ELMO1: variants seen among roughly 807,000 people sequenced by gnomAD.
The protein encoded by ELMO1 is engulfment and cell motility 1.
In ELMO1, 26 loss-of-function variants were observed where a neutral mutation model predicts 98.9. The observed-to-expected ratio is 0.26, with a 90% confidence interval of 0.19 to 0.36. The LOEUF (loss-of-function observed/expected upper bound fraction) is 0.36. Ranked by LOEUF, ELMO1 falls within the 10% of genes least tolerant of loss-of-function variation. The pLI is 1.00. For synonymous variants in ELMO1, 346 were observed against 346.0 expected (o/e 1.00, Z 0.00); for missense variants, 627 against 935.2 (o/e 0.67, Z 4.30).
intron 16 of ELMO1, among the ~76,000 whole-genome samples, chr7:36,949,803 C>T (rs570494286): frequency 1.3e-5 from 2 of 152,230 alleles, no homozygotes; most frequent in Middle Eastern, 3.4e-3. Flanking sequence ...CCTCCTCCAC[C>T]ACCCCACCCA....
chr7:36,864,714 C>G (rs1432027423), intron 20 of ELMO1, among the ~76,000 whole-genome samples: 2 of 152,254 alleles, frequency 1.3e-5, no homozygotes, highest in South Asian at 4.1e-4. Flanking sequence ...CTGTGCCCCC[C>G]TCAGGGCCTA....
chr7:36,879,739 T>C lies in ELMO1; in HGVS notation c.1715-1622A>G, dbSNP rs559652297. 1.4e-4 allele frequency among the ~76,000 whole-genome samples: 22 copies of C among 152,062 alleles called. No homozygotes were observed. The South Asian group carries it at 4.6e-3, about 32-fold the overall frequency. ...GGAATCTGAACTCTAGTGGAAAAAA[T>C]TGAGTGGGAAAAGGGTCATTTAACA... On this transcript the variant is annotated intron_variant, in intron 18 of 21. Transcript: ENST00000310758.
chr7:37,280,743 A>G (rs1584912429), intron 4 of ELMO1, among the ~76,000 whole-genome samples: 1 of 152,112 alleles, frequency 6.6e-6, no homozygotes, highest in African/African-American at 2.4e-5. Flanking sequence ...ACACTTCTAC[A>G]CTTCCGGTGG....
intron 16 of ELMO1, among the ~76,000 whole-genome samples, chr7:36,969,674 C>CTTAA (rs1425109918): frequency 6.6e-6 from 1 of 151,980 alleles, no homozygotes; most frequent in Non-Finnish European, 1.5e-5. Flanking sequence ...AACACACTTG[C>CTTAA]TTAAGCCTCA....
rs1221059512 is a variant in ELMO1 at position 37,321,672 on chromosome 7, G to A, written c.79-5712C>T. Among the ~76,000 whole-genome samples the A allele has an allele frequency of 9.3e-4, 120 of 129,234 alleles. 1 individual carries two copies. The highest frequency in any genetic ancestry group is 5.7e-4 in the Non-Finnish European group (37 of 64,716). The allele number at this position is 129,234 out of a possible 152,430, so 84.8% of individuals were successfully genotyped here. A position where few individuals can be genotyped will look rare whatever the true frequency, so the allele number is the denominator to read the frequency against. On this transcript the variant is annotated intron_variant, in intron 2 of 21. Transcript: ENST00000310758. ...GCGGAGCTTGCAGTGAGCCGAGATC[G>A]CGCCACTGCACTCTAGCCTGGGCAA...
chr7:36,995,713 T>C (rs1164102921), intron 16 of ELMO1, among the ~76,000 whole-genome samples: 1 of 152,186 alleles, frequency 6.6e-6, no homozygotes, highest in East Asian at 1.9e-4. Context: ...CAATCCCCAC[T>C]GTTGAATAGT....
At chr7:37,393,478 A>G (rs1803168131) in intron 1 of ELMO1, among the ~76,000 whole-genome samples, 1 of 152,202 alleles carries the variant, frequency 6.6e-6, no homozygotes, top group Non-Finnish European at 1.5e-5. Flanking sequence ...TTTAAAAAAA[A>G]TCCAATTCAG....
At chr7:36,990,798 G>A (rs536853480) in intron 16 of ELMO1, among the ~76,000 whole-genome samples, 23 of 152,154 alleles carry the variant, frequency 1.5e-4, no homozygotes, top group African/African-American at 5.1e-4. Context: ...CGGTATACAT[G>A]TATTTTTGAA....
chr7:37,244,183 T>C (rs1214953974), intron 7 of ELMO1, among the ~76,000 whole-genome samples, 173 bp downstream of exon 7: 1 of 152,138 alleles, frequency 6.6e-6, no homozygotes, highest in Non-Finnish European at 1.5e-5. Context: ...GGAAAATACA[T>C]TTTTGAAGAA....
At chr7:37,137,599 G>A (rs563997176) in intron 13 of ELMO1, among the ~76,000 whole-genome samples, 2 of 151,802 alleles carry the variant, frequency 1.3e-5, no homozygotes, top group Non-Finnish European at 2.9e-5. Context: ...ATACAGTGGT[G>A]CAATCTCGCT....
chr7:37,408,356 GA>G (rs1444552768), intron 1 of ELMO1, among the ~76,000 whole-genome samples: 1 of 152,174 alleles, frequency 6.6e-6, no homozygotes, highest in East Asian at 1.9e-4. Flanking sequence ...AGATGACAAA[GA>G]ACTCAGATAA....
At chr7:37,369,792 C>T in intron 1 of ELMO1, among the ~76,000 whole-genome samples, 1 of 151,854 alleles carries the variant, frequency 6.6e-6, no homozygotes, top group Non-Finnish European at 1.5e-5. Flanking sequence ...ATAGAAACCA[C>T]ATATTGAGAG....
At chr7:36,905,077 A>T (rs1783858328) in intron 16 of ELMO1, among the ~76,000 whole-genome samples, 1 of 152,228 alleles carries the variant, frequency 6.6e-6, no homozygotes, top group African/African-American at 2.4e-5. Flanking sequence ...AGTTCCAAAC[A>T]TGTGACCTTG....
At chr7:37,316,050 A>G in intron 2 of ELMO1, 90 bp from the exon 3 acceptor site, 1 of 1,039,560 alleles carries the variant, frequency 9.6e-7, no homozygotes, top group East Asian at 2.4e-5. Context: ...AAGATTATCT[A>G]AGCAAAGAGA....
At chr7:37,437,744 T>A (rs1394838202) in intron 1 of ELMO1, among the ~76,000 whole-genome samples, 7 of 61,112 alleles carry the variant, frequency 1.1e-4, no homozygotes, top group South Asian at 1.1e-3. Context: ...CCGAGGCGGG[T>A]GGATCATGAG....
chr7:37,404,715 TACTAC>T (rs1297861774), intron 1 of ELMO1, among the ~76,000 whole-genome samples: 1 of 152,180 alleles, frequency 6.6e-6, no homozygotes, highest in African/African-American at 2.4e-5. Flanking sequence ...AAAAAGGAGA[TACTAC>T]ACCCCAGTAC....
At chr7:37,216,335 T>C (rs1247897006) in intron 11 of ELMO1, among the ~76,000 whole-genome samples, 1 of 152,088 alleles carries the variant, frequency 6.6e-6, no homozygotes, top group Non-Finnish European at 1.5e-5. Flanking sequence ...GTGAATCTTT[T>C]AAGCCCTGAT....
At position 37,240,343 on chromosome 7, in the gene ELMO1, T is replaced by A. The variant is rs1474831891; in HGVS notation, c.449+4013A>T. ...TTTATTAATGTAAAATTATTTGCAA[T>A]ATTCTTTTATTTTATTTCTAATGTC... On this transcript the variant is annotated intron_variant, in intron 7 of 21. Transcript: ENST00000310758. 3.9e-5 allele frequency among the ~76,000 whole-genome samples: 6 copies of A among 152,324 alleles called. No individual in the cohort carries two copies. In the East Asian group the frequency reaches 1.2e-3, roughly 29 times the overall value.
intron 19 of ELMO1, among the ~76,000 whole-genome samples, chr7:36,876,248 G>GT (rs1254460580): frequency 6.6e-6 from 1 of 152,056 alleles, no homozygotes; most frequent in Non-Finnish European, 1.5e-5. Context: ...GCTGGTGTGA[G>GT]TTTTTCAGAG....
Sources: gnomAD v4.1 joint callset for allele counts (sites outside exome capture counted in the v4.1 genomes callset) on GRCh38, gnomAD v4.1.1 for gene constraint, MANE v1.5 for transcripts, NCBI Gene and HGNC (gene_info 2026-07-23, HGNC 2026-07-21) for gene names.